ATP11C: variants seen among roughly 807,000 people sequenced by gnomAD.
ATP11C encodes ATPase phospholipid transporting 11C (ATP11C blood group).
ATP11C carries 36 observed loss-of-function variants against 97.4 expected under a neutral mutation model. The ratio of observed to expected loss-of-function variants is 0.37; its 90% CI spans 0.28 to 0.49. The LOEUF (loss-of-function observed/expected upper bound fraction) is 0.49, where lower values mean the gene tolerates loss of function less well. ATP11C is among the 20% of genes least tolerant of loss of function. ATP11C has a pLI of 0.98. For missense variants in ATP11C, 730 were observed against 824.6 expected, an observed-to-expected ratio of 0.89 and a Z score of 1.40; for synonymous variants, 275 against 290.9, an observed-to-expected ratio of 0.95 and a Z score of 0.56.
At chrX:139,900,567 G>C (rs950726769) in intron 1 of ATP11C, among the ~76,000 whole-genome samples, 7 of 111,336 alleles carry the variant, frequency 6.3e-5, no homozygotes, top group Non-Finnish European at 1.3e-4. Flanking sequence ...AGGAATTCAG[G>C]AGGCAGAAGT....
intron 25 of ATP11C, among the ~76,000 whole-genome samples, chrX:139,744,429 G>C (rs1320140527): frequency 9.0e-6 from 1 of 111,522 alleles, no homozygotes; most frequent in Non-Finnish European, 1.9e-5. Flanking sequence ...ACTCAAAATG[G>C]GTAATGAATT....
Position 139,898,506 on chromosome X carries a change from A to G in ATP11C, c.27+33510T>C, listed in dbSNP as rs1364894619. Among the ~76,000 whole-genome samples, 10 of 111,549 alleles carry G rather than the reference A, an allele frequency of 9.0e-5. No homozygotes were observed. The Admixed American group carries it at 9.6e-4, about 11-fold the overall frequency. ...AGCTATGAGGCAATCAGATTCCAGG[A>G]GCTACAGGCAAACAGAGAAGGCTTG... On this transcript the variant is annotated intron_variant, in intron 1 of 29. Transcript: ENST00000682941.
At chrX:139,777,346 C>G (rs1011246976) in intron 18 of ATP11C, among the ~76,000 whole-genome samples, 1 of 109,335 alleles carries the variant, frequency 9.1e-6, no homozygotes, top group Non-Finnish European at 1.9e-5. Flanking sequence ...ATTAGAACAC[C>G]TGGAATTGAA....
At chrX:139,874,161 G>C (rs2084426104) in intron 1 of ATP11C, among the ~76,000 whole-genome samples, 1 of 105,684 alleles carries the variant, frequency 9.5e-6, no homozygotes, top group Non-Finnish European at 1.9e-5. Context: ...TCCTGCCTCA[G>C]CCTCCCGAGT....
At position 139,789,442 on chromosome X, in the gene ATP11C, C is replaced by T; in HGVS notation, c.1253G>A (p.Ser418Asn). ...TATGCAGCATTCAATGAATTCCATG[C>T]TGTTTTCAGTGAGTGTTCCAGTCTT... ...TDKTGTLTENSMEFIECCIDG... is the reference protein window; with the variant it reads ...TDKTGTLTENNMEFIECCIDG... The change falls in exon 13 of 30, where the codon AGC (serine) becomes AAC (asparagine). Residue 418 changes from serine to asparagine, a missense_variant. By Grantham distance (46) the Ser-to-Asn change is conservative (BLOSUM62 1). Transcript: ENST00000682941. The T allele has an allele frequency of 4.2e-6, 5 of 1,204,059 alleles. No homozygotes were observed. Among genetic ancestry groups the T allele is most frequent in the Non-Finnish European group, 5.6e-6 (5 of 891,539 alleles).
intron 1 of ATP11C, among the ~76,000 whole-genome samples, chrX:139,853,460 G>A (rs2084036052): frequency 1.8e-5 from 2 of 110,948 alleles, no homozygotes; most frequent in Admixed American, 1.9e-4. Flanking sequence ...GTCAAAGATT[G>A]AGAGAAACAA....
chrX:139,859,389 C>T (rs2084144290), intron 1 of ATP11C, among the ~76,000 whole-genome samples: 2 of 111,915 alleles, frequency 1.8e-5, no homozygotes, highest in Non-Finnish European at 3.8e-5. Flanking sequence ...GATGGATATG[C>T]TAATCACCCT....
intron 1 of ATP11C, among the ~76,000 whole-genome samples, chrX:139,904,910 G>T (rs2084952164): frequency 8.9e-6 from 1 of 112,070 alleles, no homozygotes; most frequent in African/African-American, 3.2e-5. Flanking sequence ...TCTGAATCGT[G>T]CTCTAAGTAT....
chrX:139,758,098 G>A (rs967158544), intron 22 of ATP11C, among the ~76,000 whole-genome samples: 23 of 111,884 alleles, frequency 2.1e-4, no homozygotes, highest in Non-Finnish European at 3.8e-5. Flanking sequence ...TTTACTTTAT[G>A]AGAATCTGTT....
chrX:139,766,502 A>G (rs1024284632), intron 20 of ATP11C, among the ~76,000 whole-genome samples: 1 of 112,084 alleles, frequency 8.9e-6, no homozygotes, highest in African/African-American at 3.2e-5. Flanking sequence ...TACAAGATTG[A>G]AGAAAAGAAA....
At chrX:139,884,837 A>C (rs776619408) in intron 1 of ATP11C, among the ~76,000 whole-genome samples, 1 of 112,317 alleles carries the variant, frequency 8.9e-6, no homozygotes, top group African/African-American at 3.2e-5. Context: ...TTCATTTACA[A>C]AATACATTTA....
intron 19 of ATP11C, among the ~76,000 whole-genome samples, chrX:139,773,778 T>C (rs185808745): frequency 3.6e-5 from 4 of 112,461 alleles, no homozygotes; most frequent in East Asian, 2.8e-4. Flanking sequence ...GATACAGATA[T>C]AGCATAGTTG....
intron 1 of ATP11C, among the ~76,000 whole-genome samples, chrX:139,860,118 A>AG (rs1372426854): frequency 1.2e-5 from 1 of 80,682 alleles, no homozygotes; most frequent in Non-Finnish European, 2.0e-5. Context: ...AAAAAAAAAA[A>AG]AAAAAAAAGA....
intron 1 of ATP11C, among the ~76,000 whole-genome samples, chrX:139,873,176 G>T (rs1250917710): frequency 8.0e-5 from 9 of 112,445 alleles, no homozygotes; most frequent in Admixed American, 6.6e-4. Flanking sequence ...TCAATAGAAA[G>T]CTACTGGCTG....
At chrX:139,801,266 G>A (rs759721830) in intron 7 of ATP11C, among the ~76,000 whole-genome samples, 3 of 112,074 alleles carry the variant, frequency 2.7e-5, no homozygotes, top group Non-Finnish European at 3.8e-5. Context: ...TTATCACCTT[G>A]TATAAGCTTA....
At chrX:139,933,575 G>T (rs185373911), upstream of ATP11C, among the ~76,000 whole-genome samples, 11 of 112,492 alleles carry the variant, frequency 9.8e-5, no homozygotes, top group East Asian at 3.1e-3. Flanking sequence ...GCCCAAGGCT[G>T]TTGGAGAAGA....
In ATP11C at chrX:139,836,997, A is replaced by AACACACACACACATACAC. The variant is rs1556373394; in HGVS notation, c.28-10192_28-10175dup. ...CACAGGATTTCTGCTGTAAAATGAA[A>AACACACACACACATACAC]ACACACACACACATACACACACACA... On this transcript the variant is annotated intron_variant, in intron 1 of 29. Transcript: ENST00000682941. Among the ~76,000 whole-genome samples the AACACACACACACATACAC allele has an allele frequency of 1.0e-4, 11 of 110,511 alleles. No homozygotes were observed. In the Admixed American group the frequency reaches 1.1e-3, roughly 11 times the overall value.
chrX:139,767,625 CATTT>C (rs1393918373), intron 20 of ATP11C, among the ~76,000 whole-genome samples: 1 of 111,530 alleles, frequency 9.0e-6, no homozygotes, highest in Non-Finnish European at 1.9e-5. Context: ...CAGGGGCACA[CATTT>C]ATCAATGGGA....
At chrX:139,780,244 T>TA (rs1411433797) in intron 18 of ATP11C, among the ~76,000 whole-genome samples, 1 of 110,022 alleles carries the variant, frequency 9.1e-6, no homozygotes, top group African/African-American at 3.3e-5. Flanking sequence ...AAGGACACAA[T>TA]AAAAAAAGAA....
Sources: allele counts gnomAD v4.1 joint callset (sites outside exome capture counted in the v4.1 genomes callset), GRCh38; gene constraint gnomAD v4.1.1; transcripts MANE v1.5; gene names NCBI Gene and HGNC (gene_info 2026-07-23, HGNC 2026-07-21).